The following COL25A1 variants were observed in gnomAD, a reference collection of about 807,000 sequenced individuals.
COL25A1 encodes the protein collagen alpha-1(XXV) chain.
Under a neutral mutation model 128.4 loss-of-function variants are expected in COL25A1, and 103 were observed. That is an observed-to-expected ratio of 0.80 (90% CI 0.68 to 0.94). The LOEUF is 0.94. Among genes scored for constraint, COL25A1 ranks in the 40% least tolerant of loss-of-function variants. The pLI is 0.00. For missense variants in COL25A1, 745 were observed against 840.0 expected (o/e 0.89, Z 1.40); for synonymous variants, 279 against 277.2 (o/e 1.01, Z -0.06).
intron 10 of COL25A1, among the ~76,000 whole-genome samples, chr4:108,940,265 G>C (rs949698275): frequency 6.6e-6 from 1 of 152,148 alleles, no homozygotes. Flanking sequence ...AAACAGTTTA[G>C]TGGCTGCCTC....
chr4:109,031,338 G>C (rs1049510481), intron 5 of COL25A1, among the ~76,000 whole-genome samples: 7 of 151,640 alleles, frequency 4.6e-5, no homozygotes, highest in Admixed American at 2.0e-4. Context: ...GGATGGTCTC[G>C]ATCTTCTGAC....
chr4:108,988,945 G>A (rs1457275453), intron 6 of COL25A1, among the ~76,000 whole-genome samples: 1 of 151,986 alleles, frequency 6.6e-6, no homozygotes, highest in African/African-American at 2.4e-5. Flanking sequence ...ACTCTCTGGG[G>A]ATCCCCTTTA....
intron 6 of COL25A1, among the ~76,000 whole-genome samples, chr4:109,000,361 A>C (rs538347347): frequency 2.0e-5 from 3 of 152,324 alleles, no homozygotes; most frequent in African/African-American, 4.8e-5. Context: ...AACTTGCCAA[A>C]GATAGATAGT....
chr4:109,265,605 T>C (rs1781736246), intron 3 of COL25A1, among the ~76,000 whole-genome samples: 1 of 150,298 alleles, frequency 6.7e-6, no homozygotes, highest in African/African-American at 2.4e-5. Flanking sequence ...TTCTATGTCA[T>C]TTGAACTATA....
intron 3 of COL25A1, among the ~76,000 whole-genome samples, chr4:109,065,545 C>CATGT (rs1553924965): frequency 4.3e-5 from 6 of 141,132 alleles, no homozygotes; most frequent in African/African-American, 1.3e-4. Flanking sequence ...CGCGCGCGCG[C>CATGT]GTGTGTGTGT....
intron 13 of COL25A1, among the ~76,000 whole-genome samples, chr4:108,917,622 T>C (rs1233911598): frequency 1.3e-5 from 2 of 152,222 alleles, no homozygotes; most frequent in Admixed American, 1.3e-4. Context: ...ACTGTGTTGT[T>C]TCTTTCACTT....
chr4:108,916,975 G>T (rs1461157939), intron 13 of COL25A1, among the ~76,000 whole-genome samples: 1 of 152,068 alleles, frequency 6.6e-6, no homozygotes, highest in Non-Finnish European at 1.5e-5. Context: ...TGAATTTTTG[G>T]AATTTCACTT....
intron 3 of COL25A1, among the ~76,000 whole-genome samples, chr4:109,182,000 T>A (rs1560824497): frequency 6.6e-6 from 1 of 152,152 alleles, no homozygotes; most frequent in Non-Finnish European, 1.5e-5. Flanking sequence ...GTTTTCCAGG[T>A]TCATTTATGT....
At chr4:109,181,521 A>G (rs766364089) in intron 3 of COL25A1, among the ~76,000 whole-genome samples, 5 of 152,138 alleles carry the variant, frequency 3.3e-5, no homozygotes, top group Non-Finnish European at 7.4e-5. Context: ...TTTTGAAAGT[A>G]AAGAACAATA....
intron 15 of COL25A1, among the ~76,000 whole-genome samples, chr4:108,897,763 T>C (rs184805393): frequency 3.9e-5 from 6 of 152,298 alleles, no homozygotes; most frequent in Admixed American, 2.0e-4. Context: ...GATCATAACT[T>C]TCTTGGGAGG....
intron 3 of COL25A1, among the ~76,000 whole-genome samples, chr4:109,166,351 G>A (rs892209063): frequency 6.6e-6 from 1 of 152,184 alleles, no homozygotes; most frequent in African/African-American, 2.4e-5. Context: ...CTGGGATGAA[G>A]CTTCTTTCTG....
intron 3 of COL25A1, among the ~76,000 whole-genome samples, chr4:109,091,261 G>A (rs1764866333): frequency 6.6e-6 from 1 of 152,050 alleles, no homozygotes. Flanking sequence ...ACCTCCAAAA[G>A]GTGTTTGCTT....
At chr4:108,942,271 A>T (rs1177287996) in intron 8 of COL25A1, 1 of 1,550,246 alleles carries the variant, frequency 6.5e-7, no homozygotes, top group African/African-American at 1.4e-5. Context: ...GGCAGGCCCT[A>T]TGGACATAGC....
At chr4:108,921,370 T>A (rs1488649588) in intron 11 of COL25A1, among the ~76,000 whole-genome samples, 2 of 148,912 alleles carry the variant, frequency 1.3e-5, no homozygotes, top group Non-Finnish European at 3.0e-5. Context: ...TTTGAGACAG[T>A]GGAAAATAAC....
chr4:109,150,666 T>G (rs569902716), intron 3 of COL25A1, among the ~76,000 whole-genome samples: 46 of 151,820 alleles, frequency 3.0e-4, no homozygotes, highest in African/African-American at 1.1e-3. Flanking sequence ...AGAATTAAAC[T>G]TGACACTGGG....
intron 3 of COL25A1, among the ~76,000 whole-genome samples, chr4:109,238,276 C>A (rs943773301): frequency 2.6e-5 from 4 of 151,814 alleles, no homozygotes; most frequent in Non-Finnish European, 5.9e-5. Context: ...AGTTTTTTAC[C>A]AAGCAGCTTT....
chr4:108,939,084 G>A (rs1275190966), intron 10 of COL25A1, among the ~76,000 whole-genome samples: 4 of 152,150 alleles, frequency 2.6e-5, no homozygotes, highest in African/African-American at 9.7e-5. Context: ...TTTTTAAAAA[G>A]TAATTTCTAT....
intron 3 of COL25A1, among the ~76,000 whole-genome samples, chr4:109,244,734 A>G (rs1037620873): frequency 3.3e-5 from 5 of 152,140 alleles, no homozygotes; most frequent in Admixed American, 2.6e-4. Context: ...AACATATACA[A>G]TCACAGAGGT....
intron 3 of COL25A1, among the ~76,000 whole-genome samples, chr4:109,217,071 A>G (rs1459626336): frequency 1.3e-5 from 2 of 152,052 alleles, no homozygotes; most frequent in Non-Finnish European, 2.9e-5. Flanking sequence ...TCTTTTCTTA[A>G]TTTTTAATGC....
Sources: allele counts gnomAD v4.1 joint callset (sites outside exome capture counted in the v4.1 genomes callset), GRCh38; gene constraint gnomAD v4.1.1; transcripts MANE v1.5; gene names NCBI Gene and HGNC (gene_info 2026-07-23, HGNC 2026-07-21).